DKK2: variants seen among roughly 807,000 people sequenced by gnomAD.
DKK2 encodes dickkopf Wnt signaling pathway inhibitor 2.
Under a neutral mutation model 28.1 loss-of-function variants are expected in DKK2, and 11 were observed. That is an observed-to-expected ratio of 0.39 (90% CI 0.25 to 0.65). The LOEUF (loss-of-function observed/expected upper bound fraction) is 0.65, where lower values mean the gene tolerates loss of function less well. Ranked by LOEUF, DKK2 falls within the 30% of genes least tolerant of loss-of-function variation. The pLI, the probability that DKK2 is intolerant of heterozygous loss-of-function variation, is 0.47. For synonymous variants in DKK2, 135 were observed against 126.5 expected (o/e 1.07, Z -0.45); for missense variants, 326 against 335.5 (o/e 0.97, Z 0.22).
intron 1 of DKK2, among the ~76,000 whole-genome samples, chr4:107,030,103 A>G (rs1382144373): frequency 3.3e-5 from 5 of 152,092 alleles, no homozygotes; most frequent in Non-Finnish European, 7.4e-5. Flanking sequence ...AATTACTTCT[A>G]TTAAAAAAAA....
At chr4:107,019,361 C>T (rs1272748016) in intron 1 of DKK2, among the ~76,000 whole-genome samples, 1 of 151,958 alleles carries the variant, frequency 6.6e-6, no homozygotes, top group African/African-American at 2.4e-5. Context: ...TTGCCCAAAA[C>T]CTATATGGTC....
At chr4:107,027,090 G>A (rs141003455) in intron 1 of DKK2, among the ~76,000 whole-genome samples, 128 of 152,196 alleles carry the variant, frequency 8.4e-4, no homozygotes, top group Middle Eastern at 3.4e-3. Flanking sequence ...AAATAACTTA[G>A]GTATAAGGAC....
intron 1 of DKK2, among the ~76,000 whole-genome samples, chr4:106,972,575 C>T (rs746434703): frequency 4.6e-5 from 7 of 152,072 alleles, no homozygotes; most frequent in Non-Finnish European, 8.8e-5. Flanking sequence ...ATGATTATGA[C>T]AACAATCTGC....
chr4:106,952,904 A>G (rs2110347334), intron 1 of DKK2, among the ~76,000 whole-genome samples: 1 of 152,266 alleles, frequency 6.6e-6, no homozygotes, highest in Middle Eastern at 3.4e-3. Context: ...TAAATTCTTC[A>G]AAATTTAATC....
intron 1 of DKK2, among the ~76,000 whole-genome samples, chr4:106,936,411 A>C (rs1724589252): frequency 6.6e-6 from 1 of 151,606 alleles, no homozygotes; most frequent in African/African-American, 2.4e-5. Flanking sequence ...AGGGAAGTTT[A>C]GAGAAAAAAG....
At chr4:106,982,352 T>TTACCCCTTAG (rs1322365338) in intron 1 of DKK2, among the ~76,000 whole-genome samples, 1 of 152,194 alleles carries the variant, frequency 6.6e-6, no homozygotes, top group East Asian at 1.9e-4. Context: ...GTTAGTGTAC[T>TTACCCCTTAG]CATCACCCCT....
chr4:107,029,857 A>C (rs1723849822), intron 1 of DKK2, among the ~76,000 whole-genome samples: 1 of 152,120 alleles, frequency 6.6e-6, no homozygotes, highest in Admixed American at 6.5e-5. Flanking sequence ...AAAGTATTTA[A>C]AAGGATATCT....
chr4:106,984,820 G>C (rs1309658759), intron 1 of DKK2, among the ~76,000 whole-genome samples: 1 of 152,144 alleles, frequency 6.6e-6, no homozygotes, highest in Non-Finnish European at 1.5e-5. Flanking sequence ...GCATACTATG[G>C]AATCCTACTT....
intron 1 of DKK2, among the ~76,000 whole-genome samples, chr4:107,025,496 G>A (rs754895592): frequency 6.6e-5 from 10 of 152,096 alleles, no homozygotes; most frequent in African/African-American, 2.2e-4. Flanking sequence ...GAATCACAAT[G>A]TAAAATATAT....
chr4:106,936,436 A>G (rs1724589714), intron 1 of DKK2, among the ~76,000 whole-genome samples: 1 of 152,244 alleles, frequency 6.6e-6, no homozygotes, highest in African/African-American at 2.4e-5. Flanking sequence ...AAAAGAAATG[A>G]GCAAAGCCTC....
intron 1 of DKK2, among the ~76,000 whole-genome samples, chr4:106,993,580 A>G (rs568790566): frequency 6.6e-6 from 1 of 152,102 alleles, no homozygotes; most frequent in African/African-American, 2.4e-5. Context: ...ATATATATAT[A>G]AGCTCTTAGT....
chr4:107,028,656 G>A (rs1723830021), intron 1 of DKK2, among the ~76,000 whole-genome samples: 2 of 152,180 alleles, frequency 1.3e-5, no homozygotes, highest in South Asian at 2.1e-4. Context: ...TGAAATTGTA[G>A]TGCTGTGATG....
chr4:106,964,974 T>TAGATAGAC (rs777497818), intron 1 of DKK2, among the ~76,000 whole-genome samples: 1 of 144,842 alleles, frequency 6.9e-6, no homozygotes, highest in East Asian at 2.0e-4. Flanking sequence ...GATAGATAGA[T>TAGATAGAC]AGATAGATAG....
intron 2 of DKK2, among the ~76,000 whole-genome samples, chr4:106,925,246 G>A (rs979022698): frequency 1.9e-4 from 29 of 152,190 alleles, no homozygotes; most frequent in Admixed American, 1.4e-3. Flanking sequence ...ATTACCTTCT[G>A]CAATTATTTA....
chr4:106,931,533 T>G (rs1396310158), intron 1 of DKK2, among the ~76,000 whole-genome samples: 7 of 152,166 alleles, frequency 4.6e-5, no homozygotes, highest in Admixed American at 2.6e-4. Context: ...TAAGATAAAA[T>G]TTGCAGTAAT....
At chr4:106,935,365 G>A (rs1370825291) in intron 1 of DKK2, among the ~76,000 whole-genome samples, 2 of 152,166 alleles carry the variant, frequency 1.3e-5, no homozygotes, top group East Asian at 3.9e-4. Context: ...GATGGCACCT[G>A]GAAAATCGGG....
rs1328588542 is a variant in DKK2, at chr4:106,973,696, CTGA to C, written c.223-47750_223-47748del. 3.9e-5 allele frequency among the ~76,000 whole-genome samples: 6 copies of C among 152,294 alleles called. No individual in the cohort carries two copies. The South Asian group carries it at 8.3e-4, about 21-fold the overall frequency. On this transcript the variant is annotated intron_variant, in intron 1 of 3. Coordinates refer to ENST00000285311, the MANE Select transcript of DKK2 (RefSeq NM_014421.3). ...CCATACTATAGGTTGCCTGTTCACT[CTGA>C]TGATAGTTTCTTTTGCTGTGCAGAA... is the stretch of plus-strand genomic sequence containing the variant.
chr4:106,924,759 C>G, intron 2 of DKK2, 59 bp from the exon 3 acceptor site: 2 of 1,507,934 alleles, frequency 1.3e-6, no homozygotes, highest in South Asian at 1.2e-5. Context: ...TGATACTTAT[C>G]CACATACTCT....
intron 1 of DKK2, among the ~76,000 whole-genome samples, chr4:107,024,810 C>T (rs921324151): frequency 6.6e-6 from 1 of 152,122 alleles, no homozygotes; most frequent in South Asian, 2.1e-4. Context: ...AAAAAATAGG[C>T]TAACAAGGTT....
Sources: gnomAD v4.1 joint callset for allele counts (sites outside exome capture counted in the v4.1 genomes callset) on GRCh38, gnomAD v4.1.1 for gene constraint, MANE v1.5 for transcripts, NCBI Gene and HGNC (gene_info 2026-07-23, HGNC 2026-07-21) for gene names.